DPH6: variants seen among roughly 807,000 people sequenced by gnomAD.
DPH6 encodes diphthine--ammonia ligase.
Under a neutral mutation model 38.2 loss-of-function variants are expected in DPH6, and 33 were observed. That is an observed-to-expected ratio of 0.86 (90% CI 0.65 to 1.15). The LOEUF (loss-of-function observed/expected upper bound fraction) is 1.15, where lower values mean the gene tolerates loss of function less well. DPH6 is among the 50% of genes most tolerant of loss of function. The probability of loss-of-function intolerance (pLI) is 0.00; values close to 1 mark genes in which losing one functional copy is unlikely to be tolerated. For missense variants in DPH6, 325 were observed against 320.0 expected, an observed-to-expected ratio of 1.02 and a Z score of -0.12; for synonymous variants, 108 against 103.0, an observed-to-expected ratio of 1.05 and a Z score of -0.30.
chr15:35,525,082 C>G (rs1248622565), intron 3 of DPH6, among the ~76,000 whole-genome samples: 1 of 152,108 alleles, frequency 6.6e-6, no homozygotes, highest in Non-Finnish European at 1.5e-5. Context: ...AGTTCCTACC[C>G]TCATGAGGTT....
chr15:35,250,563 T>C (rs1274240754), intron 3 of DPH6, among the ~76,000 whole-genome samples: 1 of 152,228 alleles, frequency 6.6e-6, no homozygotes, highest in Non-Finnish European at 1.5e-5. Context: ...TTATAACTAA[T>C]ATTGCTGAAT....
In DPH6 at chr15:35,436,487, AAC is replaced by A. The variant is rs1476442560; in HGVS notation, c.505+14196_505+14197del. 8.2e-3 allele frequency among the ~76,000 whole-genome samples: 249 copies of A among 30,308 alleles called. 9 individuals carry two copies. The highest frequency in any genetic ancestry group is 0.031 in the African/African-American group (240 of 7,830). 19.9% of individuals were successfully genotyped at this position (30,308 alleles called of 152,430 possible). On this transcript the variant is annotated intron_variant, in intron 5 of 8. Transcript: ENST00000256538. ...TCTCAAACAAAACAAACAAAAACAA[AAC>A]AAAACAAAACAAAACAAAACAAAAC...
chr15:35,475,733 A>C (rs1254290001), intron 3 of DPH6, among the ~76,000 whole-genome samples: 2 of 151,854 alleles, frequency 1.3e-5, no homozygotes, highest in African/African-American at 2.4e-5. Context: ...AAAGCACCAG[A>C]GGGACCAGAA....
At chr15:35,258,569 C>G (rs978758255) in intron 3 of DPH6, among the ~76,000 whole-genome samples, 2 of 152,158 alleles carry the variant, frequency 1.3e-5, no homozygotes, top group Non-Finnish European at 2.9e-5. Flanking sequence ...AGTAACAGAG[C>G]TAGGCTTAGA....
At chr15:35,265,630 T>C (rs986573040) in intron 3 of DPH6, among the ~76,000 whole-genome samples, 1 of 152,172 alleles carries the variant, frequency 6.6e-6, no homozygotes, top group Non-Finnish European at 1.5e-5. Flanking sequence ...TTAAAAAAAA[T>C]TCCGTAGCTT....
intron 3 of DPH6, among the ~76,000 whole-genome samples, chr15:35,460,804 G>A (rs571886732): frequency 1.3e-5 from 2 of 150,920 alleles, no homozygotes; most frequent in East Asian, 3.9e-4. Flanking sequence ...ACACCTGCAG[G>A]ATTGCTGGGA....
chr15:35,359,271 C>T (rs1427897780), intron 3 of DPH6, among the ~76,000 whole-genome samples: 1 of 152,062 alleles, frequency 6.6e-6, no homozygotes, highest in African/African-American at 2.4e-5. Context: ...AGGCAGAGAG[C>T]AATACAGGCT....
intron 3 of DPH6, among the ~76,000 whole-genome samples, chr15:35,354,280 C>T (rs2052540733): frequency 6.6e-6 from 1 of 152,272 alleles, no homozygotes; most frequent in Non-Finnish European, 1.5e-5. Flanking sequence ...ATTTCCTTCT[C>T]CTGCCTGATT....
At chr15:35,497,808 C>T (rs2141188073) in intron 3 of DPH6, among the ~76,000 whole-genome samples, 1 of 152,246 alleles carries the variant, frequency 6.6e-6, no homozygotes, top group East Asian at 1.9e-4. Context: ...AAACCATCTC[C>T]TAAAAGCAAC....
In DPH6 at chr15:35,542,505, C is replaced by T. The variant is rs1248163478; in HGVS notation, c.26G>A (p.Gly9Asp). Residue 9 changes from glycine to aspartate, a missense_variant and splice_region_variant, in exon 2 of 9, where the codon GGT (glycine) becomes GAT (aspartate). Coordinates refer to ENST00000256538, the MANE Select transcript of DPH6 (RefSeq NM_080650.4). ...CATATTATAGCAGCTGTCCTTCCCACCACTAAACAATAAATCAAGAGAGGG... is the reference window on the plus strand; with the variant it reads ...CATATTATAGCAGCTGTCCTTCCCATCACTAAACAATAAATCAAGAGAGGG... MRVAALIS[G>D]GKDSCYNMMQ... 6.5e-7 allele frequency: 1 copy of T among 1,543,062 alleles called. No individual in the cohort carries two copies. The highest frequency in any genetic ancestry group is 1.2e-5 in the South Asian group (1 of 83,536).
the DPH6 span, among the ~76,000 whole-genome samples, chr15:35,173,908 G>A: frequency 6.2e-4 from 95 of 152,238 alleles, no homozygotes; most frequent in East Asian, 6.0e-3. Flanking sequence ...GGTATGCCCC[G>A]TCACACCTAT....
At chr15:35,249,450 G>A (rs1163454715) in intron 3 of DPH6, among the ~76,000 whole-genome samples, 2 of 152,160 alleles carry the variant, frequency 1.3e-5, no homozygotes, top group Non-Finnish European at 2.9e-5. Flanking sequence ...AAATATTACA[G>A]ATATTTAAGG....
chr15:35,419,417 G>A (rs542969370), intron 5 of DPH6, among the ~76,000 whole-genome samples: 8 of 152,114 alleles, frequency 5.3e-5, no homozygotes, highest in African/African-American at 1.9e-4. Context: ...ACAGCTCTTA[G>A]AGGTTGTGTT....
At chr15:35,381,254 G>A (rs1050479489) in intron 7 of DPH6, among the ~76,000 whole-genome samples, 4 of 152,120 alleles carry the variant, frequency 2.6e-5, no homozygotes, top group Non-Finnish European at 5.9e-5. Flanking sequence ...GTAACAAACT[G>A]AAGAAAGTTT....
At chr15:35,182,664 C>A in the DPH6 span, among the ~76,000 whole-genome samples, 3 of 152,224 alleles carry the variant, frequency 2.0e-5, no homozygotes, top group East Asian at 1.9e-4. Flanking sequence ...AAAGAGCAAA[C>A]TTCTATGGCT....
At chr15:35,432,395 T>C (rs541069158) in intron 5 of DPH6, among the ~76,000 whole-genome samples, 1 of 152,282 alleles carries the variant, frequency 6.6e-6, no homozygotes, top group East Asian at 1.9e-4. Flanking sequence ...ACATCTGTAA[T>C]AGAGTTCTTA....
At chr15:35,162,278 C>G in the DPH6 span, among the ~76,000 whole-genome samples, 1 of 151,934 alleles carries the variant, frequency 6.6e-6, no homozygotes, top group Non-Finnish European at 1.5e-5. Flanking sequence ...ATGCTACTTT[C>G]CCTGCCTGAA....
Position 35,450,592 on chromosome 15 carries a change from A to C in DPH6, c.505+93T>G, listed in dbSNP as rs561951808. 4.0e-6 allele frequency: 4 copies of C among 1,009,142 alleles called. No homozygotes were observed. The African/African-American group carries it at 6.6e-5, about 17-fold the overall frequency. 62.5% of individuals were successfully genotyped at this position (1,009,142 alleles called of 1,614,324 possible). A position where few individuals can be genotyped will look rare whatever the true frequency, so the allele number is the denominator to read the frequency against. On this transcript the variant is annotated intron_variant, in intron 5 of 8. Transcript: ENST00000256538. ...TGTGACTCCACATTTTTATATTCTAAATCAGTTTTCTTTGTTCATTTTAAC... is the reference window on the plus strand; with the variant it reads ...TGTGACTCCACATTTTTATATTCTACATCAGTTTTCTTTGTTCATTTTAAC...
intron 3 of DPH6, among the ~76,000 whole-genome samples, chr15:35,522,997 T>A (rs2141240578): frequency 6.6e-6 from 1 of 152,182 alleles, no homozygotes; most frequent in Admixed American, 6.5e-5. Context: ...GCCAATGATT[T>A]CTAAATTTTC....
Sources: gnomAD v4.1 joint callset for allele counts (sites outside exome capture counted in the v4.1 genomes callset) on GRCh38, gnomAD v4.1.1 for gene constraint, MANE v1.5 for transcripts, NCBI Gene and HGNC (gene_info 2026-07-23, HGNC 2026-07-21) for gene names.